The following GAP43 variants were observed in gnomAD, a reference collection of about 807,000 sequenced individuals.
GAP43 encodes neuromodulin.
GAP43 carries 6 observed loss-of-function variants against 18.6 expected under a neutral mutation model. The observed-to-expected ratio is 0.32, with a 90% confidence interval of 0.18 to 0.64. The LOEUF (loss-of-function observed/expected upper bound fraction) is 0.64, where lower values mean the gene tolerates loss of function less well. GAP43 is among the 30% of genes least tolerant of loss of function. The probability of loss-of-function intolerance (pLI) is 0.78; values close to 1 mark genes in which losing one functional copy is unlikely to be tolerated. For synonymous variants in GAP43, 115 were observed against 111.4 expected, an observed-to-expected ratio of 1.03 and a Z score of -0.20; for missense variants, 292 against 295.5, an observed-to-expected ratio of 0.99 and a Z score of 0.09.
Position 115,707,032 on chromosome 3 carries a change from A to G in GAP43, c.629-13762A>G, listed in dbSNP as rs938265294. Among the ~76,000 whole-genome samples the G allele has an allele frequency of 2.6e-5, 4 of 152,326 alleles. No homozygotes were observed. In the South Asian group the frequency reaches 6.2e-4, roughly 24 times the overall value. ...CAGCAAAGATACATTTTGATTACCT[A>G]TATGTGAAACCTCTTGGCACAATGC... On this transcript the variant is annotated intron_variant, in intron 2 of 2. Coordinates refer to ENST00000305124, the MANE Select transcript of GAP43 (RefSeq NM_002045.4).
At chr3:115,664,862 G>T (rs1193818394) in intron 1 of GAP43, among the ~76,000 whole-genome samples, 1 of 152,146 alleles carries the variant, frequency 6.6e-6, no homozygotes, top group Non-Finnish European at 1.5e-5. Flanking sequence ...CACATGCCTT[G>T]TACCTGATGC....
intron 2 of GAP43, among the ~76,000 whole-genome samples, chr3:115,717,396 G>A (rs1182036581): frequency 2.0e-5 from 3 of 150,168 alleles, no homozygotes; most frequent in Non-Finnish European, 2.9e-5. Flanking sequence ...TGTAACCTCC[G>A]CCTCCCAGGT....
chr3:115,651,729 C>T (rs1381949323), intron 1 of GAP43, among the ~76,000 whole-genome samples: 1 of 152,114 alleles, frequency 6.6e-6, no homozygotes, highest in Non-Finnish European at 1.5e-5. Flanking sequence ...TCTTCCCTCC[C>T]TCCCCCACTG....
intron 2 of GAP43, among the ~76,000 whole-genome samples, chr3:115,688,968 T>G (rs548972348): frequency 2.6e-5 from 4 of 152,238 alleles, no homozygotes; most frequent in Non-Finnish European, 5.9e-5. Flanking sequence ...GTCCTTCTGC[T>G]CAGCCCTTCT....
intron 2 of GAP43, among the ~76,000 whole-genome samples, chr3:115,694,502 G>T (rs1709159065): frequency 6.6e-6 from 1 of 152,168 alleles, no homozygotes; most frequent in African/African-American, 2.4e-5. Flanking sequence ...TCAAAATACA[G>T]ATAACATTTA....
At chr3:115,675,916 C>T in intron 1 of GAP43, 97 bp from the exon 2 acceptor site, 1 of 1,504,492 alleles carries the variant, frequency 6.6e-7, no homozygotes, top group South Asian at 1.4e-5. Context: ...GTGCCTGGCA[C>T]AAAATAAATC....
intron 1 of GAP43, among the ~76,000 whole-genome samples, chr3:115,628,740 A>G (rs1376157143): frequency 6.6e-6 from 1 of 151,920 alleles, no homozygotes; most frequent in Non-Finnish European, 1.5e-5. Flanking sequence ...CACCTCCCCA[A>G]ATCTATGATC....
At chr3:115,684,482 G>C (rs1709009671) in intron 2 of GAP43, among the ~76,000 whole-genome samples, 1 of 152,140 alleles carries the variant, frequency 6.6e-6, no homozygotes, top group Admixed American at 6.6e-5. Context: ...CAATTTCCAA[G>C]CACATATGTA....
In GAP43 at chr3:115,713,373, A is replaced by G. The variant is rs114412129; in HGVS notation, c.629-7421A>G. Among the ~76,000 whole-genome samples the G allele has an allele frequency of 3.9e-3, 592 of 152,274 alleles. 5 individuals carry two copies. The highest frequency in any genetic ancestry group is 0.014 in the African/African-American group (573 of 41,574). ...TGGGGAGAGCTGGGCAGGTCCCAAG[A>G]GGTAATGTTTTACTCGGAAATCCAC... On this transcript the variant is annotated intron_variant, in intron 2 of 2. Transcript: ENST00000305124.
chr3:115,720,908 C>T lies in GAP43; in HGVS notation c.*26C>T, dbSNP rs749408330. ...ACTCTAAGAAATGGCTTTCCACATC[C>T]CCACCCTCCCCTCTCCTGAGCCTGT... On this transcript the variant is annotated 3_prime_UTR_variant, in exon 3 of 3. Transcript: ENST00000305124. 6.7e-7 allele frequency: 1 copy of T among 1,489,056 alleles called. No individual in the cohort carries two copies. Among genetic ancestry groups the T allele is most frequent in the Admixed American group, 1.7e-5 (1 of 59,348 alleles). 92.2% of individuals were successfully genotyped at this position (1,489,056 alleles called of 1,614,324 possible).
chr3:115,623,841 C>A, intron 1 of GAP43, 122 bp downstream of exon 1: 1 of 939,928 alleles, frequency 1.1e-6, no homozygotes, highest in South Asian at 1.3e-5. Context: ...GCTTCCTTAG[C>A]ATATGGTAAC....
At chr3:115,659,906 C>T (rs906710454) in intron 1 of GAP43, among the ~76,000 whole-genome samples, 2 of 151,964 alleles carry the variant, frequency 1.3e-5, no homozygotes, top group Non-Finnish European at 2.9e-5. Context: ...GCAGCCCCCT[C>T]CCCCGCAACT....
chr3:115,717,582 T>C (rs1709525543), intron 2 of GAP43, among the ~76,000 whole-genome samples: 2 of 151,972 alleles, frequency 1.3e-5, no homozygotes. Flanking sequence ...GTGCTGGGAT[T>C]ACAGGTGTGA....
chr3:115,636,172 G>A (rs1467506745), intron 1 of GAP43, among the ~76,000 whole-genome samples: 1 of 151,860 alleles, frequency 6.6e-6, no homozygotes, highest in African/African-American at 2.4e-5. Context: ...TTTACTCTTT[G>A]TGGTTCCCTC....
intron 2 of GAP43, among the ~76,000 whole-genome samples, chr3:115,682,943 T>C (rs1708974604): frequency 6.6e-6 from 1 of 152,190 alleles, no homozygotes; most frequent in South Asian, 2.1e-4. Context: ...CTTTCATAGC[T>C]TTTATTAAAT....
At chr3:115,709,123 T>A (rs1709403480) in intron 2 of GAP43, among the ~76,000 whole-genome samples, 1 of 152,170 alleles carries the variant, frequency 6.6e-6, no homozygotes, top group South Asian at 2.1e-4. Context: ...TTAGTTCTTG[T>A]AGGCAAGTAT....
chr3:115,697,187 T>G (rs116617308), intron 2 of GAP43, among the ~76,000 whole-genome samples: 939 of 76,204 alleles, frequency 0.012, 9 homozygotes, highest in African/African-American at 0.046. Context: ...TATTATACAT[T>G]ACATTTATTT....
At chr3:115,668,932 A>G (rs1170058162) in intron 1 of GAP43, among the ~76,000 whole-genome samples, 1 of 151,998 alleles carries the variant, frequency 6.6e-6, no homozygotes, top group Non-Finnish European at 1.5e-5. Context: ...AGCCCCAGCT[A>G]TTTGAGAGAC....
At chr3:115,660,711 G>A (rs1708647183) in intron 1 of GAP43, among the ~76,000 whole-genome samples, 1 of 152,202 alleles carries the variant, frequency 6.6e-6, no homozygotes, top group Non-Finnish European at 1.5e-5. Flanking sequence ...CATTGAATGT[G>A]CAAAAGATTT....
Sources: gnomAD v4.1 joint callset for allele counts (sites outside exome capture counted in the v4.1 genomes callset) on GRCh38, gnomAD v4.1.1 for gene constraint, MANE v1.5 for transcripts, NCBI Gene and HGNC (gene_info 2026-07-23, HGNC 2026-07-21) for gene names.